The following NUMB variants were observed in gnomAD, a reference collection of about 807,000 sequenced individuals.
The protein encoded by NUMB is protein numb homolog.
A neutral mutation model predicts 59.7 loss-of-function variants in NUMB; 29 were observed. The ratio of observed to expected loss-of-function variants is 0.49; its 90% CI spans 0.36 to 0.66. NUMB has a LOEUF of 0.66. Among genes scored for constraint, NUMB ranks in the 30% least tolerant of loss-of-function variants. The pLI, the probability that NUMB is intolerant of heterozygous loss-of-function variation, is 0.00. For synonymous variants in NUMB, 288 were observed against 288.2 expected (o/e 1.00, Z 0.01); for missense variants, 723 against 822.0 (o/e 0.88, Z 1.47).
intron 1 of NUMB, among the ~76,000 whole-genome samples, chr14:73,441,897 T>C (rs1335965010): frequency 1.3e-5 from 2 of 151,380 alleles, no homozygotes; most frequent in Non-Finnish European, 2.9e-5. Flanking sequence ...AAAAATAAAA[T>C]AAAAGAGGTA....
At chr14:73,399,301 C>G (rs940922993) in intron 2 of NUMB, among the ~76,000 whole-genome samples, 1 of 152,208 alleles carries the variant, frequency 6.6e-6, no homozygotes, top group African/African-American at 2.4e-5. Context: ...CAGCGGCTCA[C>G]GCCTATAATC....
chr14:73,283,934 C>A, intron 10 of NUMB, 147 bp downstream of exon 10: 2 of 727,454 alleles, frequency 2.7e-6, no homozygotes, highest in Non-Finnish European at 4.5e-6. Context: ...TTAGTTTTCC[C>A]ACTATGGGAA....
intron 2 of NUMB, among the ~76,000 whole-genome samples, chr14:73,374,308 A>T (rs1314270071): frequency 2.6e-5 from 4 of 152,186 alleles, no homozygotes; most frequent in African/African-American, 9.7e-5. Context: ...GGTGTGAGCT[A>T]CTGCGCCTGG....
At position 73,275,279 on chromosome 14, in the gene NUMB, T is replaced by TAAC. The variant is rs1473706853; in HGVS notation, c.*1296_*1298dup. ...AAATTTTCATCAGTACAAATATATA[T>TAAC]AACTTACATTTGATTGTAAGGCCAA... On this transcript the variant is annotated 3_prime_UTR_variant, in exon 13 of 13. Coordinates refer to ENST00000555238, the MANE Select transcript of NUMB (RefSeq NM_001005743.2). 1.3e-5 allele frequency: 2 copies of TAAC among 152,616 alleles called. No homozygotes were observed. The highest frequency in any genetic ancestry group is 4.8e-5 in the African/African-American group (2 of 41,438). 9.5% of individuals were successfully genotyped at this position (152,616 alleles called of 1,614,324 possible).
In NUMB at chr14:73,417,962, G is replaced by A. The variant is rs142005135; in HGVS notation, c.-232-7894C>T. ...TCTACTAAAAGTACAAAAATTAGCCGGGCATGGTGGCATGCGCCTGTAATC... is the reference window on the plus strand; with the variant it reads ...TCTACTAAAAGTACAAAAATTAGCCAGGCATGGTGGCATGCGCCTGTAATC... On this transcript the variant is annotated intron_variant, in intron 1 of 12. Coordinates refer to ENST00000555238, the MANE Select transcript of NUMB (RefSeq NM_001005743.2). Among the ~76,000 whole-genome samples, 713 of 152,096 alleles carry A rather than the reference G, an allele frequency of 4.7e-3. 4 individuals are homozygous for A. Among genetic ancestry groups the A allele is most frequent in the African/African-American group, 0.016 (658 of 41,498 alleles).
At chr14:73,457,769 G>C (rs1884498782) in intron 1 of NUMB, 1 of 152,496 alleles carries the variant, frequency 6.6e-6, no homozygotes, top group South Asian at 2.1e-4. Flanking sequence ...TCTTCCCCCA[G>C]GCGGTGCAAG....
At chr14:73,342,973 C>T (rs542052551) in intron 4 of NUMB, among the ~76,000 whole-genome samples, 1 of 151,776 alleles carries the variant, frequency 6.6e-6, no homozygotes, top group Admixed American at 6.6e-5. Context: ...ACCACAGTCA[C>T]ATGCCACCAT....
At position 73,327,050 on chromosome 14, in the gene NUMB, T is replaced by A. The variant is rs189082289; in HGVS notation, c.127-3846A>T. ...TTTTCATTCCTATTATAAGGAAATT[T>A]AAAAAAAAAACAGGTTCTTTCCACA... On this transcript the variant is annotated intron_variant, in intron 4 of 12. Transcript: ENST00000555238. Among the ~76,000 whole-genome samples, 1,099 of 149,796 alleles carry A rather than the reference T, an allele frequency of 7.3e-3. 4 individuals are homozygous for A. Among genetic ancestry groups the A allele is most frequent in the South Asian group, 0.032 (152 of 4,772 alleles).
At chr14:73,416,564 G>T (rs1272025651) in intron 1 of NUMB, among the ~76,000 whole-genome samples, 2 of 152,168 alleles carry the variant, frequency 1.3e-5, no homozygotes, top group Non-Finnish European at 2.9e-5. Context: ...TGTATAGGCT[G>T]AGGGCAGTGA....
chr14:73,329,228 AT>A (rs1176201454), intron 4 of NUMB, among the ~76,000 whole-genome samples: 2 of 151,974 alleles, frequency 1.3e-5, no homozygotes, highest in African/African-American at 4.8e-5. Flanking sequence ...GATGAGGTTA[AT>A]TTTTTTTAAT....
intron 1 of NUMB, among the ~76,000 whole-genome samples, chr14:73,439,811 T>G (rs912076306): frequency 1.7e-4 from 26 of 152,158 alleles, no homozygotes; most frequent in Admixed American, 3.3e-4. Flanking sequence ...TTTTCTTCCT[T>G]TAAGTCACAT....
At chr14:73,412,449 G>A (rs1010230110) in intron 1 of NUMB, among the ~76,000 whole-genome samples, 5 of 151,902 alleles carry the variant, frequency 3.3e-5, no homozygotes, top group Non-Finnish European at 5.9e-5. Context: ...CCAACATAGA[G>A]AAACCCTATC....
At position 73,277,223 on chromosome 14, in the gene NUMB, G is replaced by C. The variant is rs1045451327; in HGVS notation, c.1311C>G (p.Pro437=). The part of the protein sequence containing the change: ...GLFQAGHRRT[P]SEADRWLEEV... ...CTTCTAACCATCGGTCGGCCTCAGA[G>C]GGAGTACGTCTATGACCGGCCTGGA... Residue 437 remains proline, a synonymous_variant, in exon 13 of 13, where the codon CCC becomes CCG. Coordinates refer to ENST00000555238, the MANE Select transcript of NUMB (RefSeq NM_001005743.2). The C allele has an allele frequency of 6.2e-7, 1 of 1,613,950 alleles. No individual in the cohort carries two copies. Among genetic ancestry groups the C allele is most frequent in the Non-Finnish European group, 8.5e-7 (1 of 1,180,018 alleles).
At chr14:73,324,748 AGCTTT>A (rs1891576579) in intron 4 of NUMB, among the ~76,000 whole-genome samples, 1 of 152,228 alleles carries the variant, frequency 6.6e-6, no homozygotes, top group Non-Finnish European at 1.5e-5. Context: ...TAGGTACTTA[AGCTTT>A]CTGAAAAGTA....
At chr14:73,285,229 G>C (rs1244293295) in intron 9 of NUMB, 1 of 152,190 alleles carries the variant, frequency 6.6e-6, no homozygotes, top group African/African-American at 2.4e-5. Context: ...GATTAAATTT[G>C]AGTAAATGTA....
intron 1 of NUMB, among the ~76,000 whole-genome samples, chr14:73,448,065 G>A (rs899259558): frequency 3.3e-5 from 5 of 152,058 alleles, no homozygotes; most frequent in Non-Finnish European, 7.4e-5. Flanking sequence ...CCAAACTGCT[G>A]GGATTACAGG....
intron 2 of NUMB, among the ~76,000 whole-genome samples, chr14:73,384,475 T>C (rs1378795628): frequency 6.6e-6 from 1 of 152,042 alleles, no homozygotes; most frequent in Non-Finnish European, 1.5e-5. Flanking sequence ...GTGCAGTCTA[T>C]GAAGAAAGAA....
chr14:73,300,727 A>C (rs1349172666), intron 6 of NUMB, among the ~76,000 whole-genome samples: 2 of 152,172 alleles, frequency 1.3e-5, no homozygotes, highest in African/African-American at 4.8e-5. Context: ...TTTACTCTAC[A>C]AACTGGGAAC....
At chr14:73,336,321 G>C (rs1315733001) in intron 4 of NUMB, among the ~76,000 whole-genome samples, 1 of 152,190 alleles carries the variant, frequency 6.6e-6, no homozygotes, top group Non-Finnish European at 1.5e-5. Context: ...CAGAATTGGA[G>C]TACAGTTATT....
Sources: gnomAD v4.1 joint callset for allele counts (sites outside exome capture counted in the v4.1 genomes callset) on GRCh38, gnomAD v4.1.1 for gene constraint, MANE v1.5 for transcripts, NCBI Gene and HGNC (gene_info 2026-07-23, HGNC 2026-07-21) for gene names.